Variants in RAP1GAP2 observed in about 807,000 individuals in gnomAD.
The protein encoded by RAP1GAP2 is rap1 GTPase-activating protein 2.
In RAP1GAP2, 27 loss-of-function variants were observed where a neutral mutation model predicts 95.0. The ratio of observed to expected loss-of-function variants is 0.28; its 90% confidence interval spans 0.21 to 0.39. The LOEUF is 0.39. RAP1GAP2 is among the 10% of genes least tolerant of loss of function. RAP1GAP2 has a pLI of 1.00. For synonymous variants in RAP1GAP2, 373 were observed against 380.9 expected (o/e 0.98, Z 0.24); for missense variants, 771 against 970.0 (o/e 0.79, Z 2.72).
chr17:2,762,835 C>T (rs1180029511), intron 1 of RAP1GAP2, among the ~76,000 whole-genome samples: 1 of 152,028 alleles, frequency 6.6e-6, no homozygotes, highest in Admixed American at 6.6e-5. Flanking sequence ...CGCCACCATA[C>T]CTGGCTAATT....
intron 3 of RAP1GAP2, among the ~76,000 whole-genome samples, chr17:2,953,824 G>A (rs1380753276): frequency 2.0e-5 from 3 of 152,174 alleles, no homozygotes; most frequent in Non-Finnish European, 4.4e-5. Context: ...TCCAGCCTGG[G>A]TGAAAAGAGC....
intron 1 of RAP1GAP2, among the ~76,000 whole-genome samples, chr17:2,780,531 C>T (rs1390346103): frequency 1.3e-5 from 2 of 152,194 alleles, no homozygotes; most frequent in African/African-American, 4.8e-5. Flanking sequence ...TCTGCCTACC[C>T]TCTCCCATCT....
chr17:2,820,825 A>C (rs1319895227), intron 2 of RAP1GAP2, among the ~76,000 whole-genome samples: 6 of 150,056 alleles, frequency 4.0e-5, no homozygotes, highest in Non-Finnish European at 8.9e-5. Flanking sequence ...GGGTTCAAGC[A>C]ATTCTCCTGC....
intron 8 of RAP1GAP2, among the ~76,000 whole-genome samples, chr17:2,966,147 C>A (rs1021527426): frequency 1.3e-5 from 2 of 152,180 alleles, no homozygotes; most frequent in African/African-American, 4.8e-5. Context: ...GGGCACCTCT[C>A]TCTGGATTGT....
At chr17:2,769,074 A>G (rs2068333522) in intron 1 of RAP1GAP2, among the ~76,000 whole-genome samples, 1 of 151,762 alleles carries the variant, frequency 6.6e-6, no homozygotes, top group Non-Finnish European at 1.5e-5. Context: ...AAAAAATTTA[A>G]TAAGAAAATT....
chr17:2,785,899 CTTTT>C (rs386385450), intron 1 of RAP1GAP2, among the ~76,000 whole-genome samples: 1 of 119,950 alleles, frequency 8.3e-6, no homozygotes, highest in Admixed American at 9.2e-5. Flanking sequence ...AAAAGTATGA[CTTTT>C]TTTTTTTTTT....
At chr17:2,927,898 C>T (rs1256080829) in intron 3 of RAP1GAP2, among the ~76,000 whole-genome samples, 2 of 152,214 alleles carry the variant, frequency 1.3e-5, no homozygotes, top group East Asian at 1.9e-4. Context: ...ACTGATGATA[C>T]AGTATCAGAT....
intron 3 of RAP1GAP2, among the ~76,000 whole-genome samples, chr17:2,948,714 C>T (rs968879519): frequency 4.1e-5 from 5 of 120,568 alleles, no homozygotes; most frequent in South Asian, 2.8e-4. Context: ...GTCCTGGACT[C>T]GGGTGCAACA....
rs117972960 is a variant in RAP1GAP2 at position 2,959,775 on chromosome 17, C to T, written c.201+1981C>T. On this transcript the variant is annotated intron_variant, in intron 4 of 24. Coordinates refer to ENST00000254695, the MANE Select transcript of RAP1GAP2 (RefSeq NM_015085.5). ...TCTAGCTGAGTATCTTCAGTCAAGT[C>T]GGTTTCCCCTTCTGAGCCTTAATTT... is the stretch of plus-strand genomic sequence containing the variant. Among the ~76,000 whole-genome samples, 468 of 152,250 alleles carry T rather than the reference C, an allele frequency of 3.1e-3. 2 individuals are homozygous for T. The highest frequency in any genetic ancestry group is 0.026 in the East Asian group (135 of 5,176).
intron 8 of RAP1GAP2, among the ~76,000 whole-genome samples, chr17:2,966,181 G>C (rs1035757730): frequency 2.6e-5 from 4 of 152,190 alleles, no homozygotes; most frequent in African/African-American, 9.6e-5. Flanking sequence ...GCAGGAGCTG[G>C]AACTGGTTTC....
intron 2 of RAP1GAP2, among the ~76,000 whole-genome samples, chr17:2,841,009 G>T (rs1366062813): frequency 2.0e-5 from 3 of 148,294 alleles, no homozygotes; most frequent in Non-Finnish European, 3.0e-5. Context: ...AAAATAAAAA[G>T]ACCGGTGTGG....
Position 2,796,666 on chromosome 17 carries a change from CG to C in RAP1GAP2, c.44+98del. 1 of 1,406,216 alleles carries C rather than the reference CG, an allele frequency of 7.1e-7. No homozygotes were observed. Among genetic ancestry groups the C allele is most frequent in the Non-Finnish European group, 9.8e-7 (1 of 1,015,806 alleles). 87.1% of individuals were successfully genotyped at this position (1,406,216 alleles called of 1,614,324 possible). A position where few individuals can be genotyped will look rare whatever the true frequency, so the allele number is the denominator to read the frequency against. On this transcript the variant is annotated intron_variant, in intron 1 of 24. Transcript: ENST00000254695. The surrounding 1 kb of genome is among the most constrained non-coding windows in gnomAD (Gnocchi z 4.7). ...TGGCGGCCGTGGGAACAGAGGGGCTCGGGCTGTGCCTGAGAGCTGGGTCTGC... is the reference window on the plus strand; with the variant it reads ...TGGCGGCCGTGGGAACAGAGGGGCTCGGCTGTGCCTGAGAGCTGGGTCTGC...
chr17:2,997,032 G>T (rs1325477779), intron 13 of RAP1GAP2, among the ~76,000 whole-genome samples: 1 of 152,174 alleles, frequency 6.6e-6, no homozygotes, highest in Admixed American at 6.5e-5. Context: ...CTGGAGTGCA[G>T]TGGTGCGATC....
chr17:2,915,804 T>A (rs1282548565), intron 3 of RAP1GAP2, among the ~76,000 whole-genome samples: 3 of 152,144 alleles, frequency 2.0e-5, no homozygotes, highest in Non-Finnish European at 4.4e-5. Context: ...TTCAAGCGAT[T>A]CTCCTGCCTC....
chr17:2,873,748 A>G (rs1242416423), intron 2 of RAP1GAP2, among the ~76,000 whole-genome samples: 2 of 151,918 alleles, frequency 1.3e-5, no homozygotes, highest in Non-Finnish European at 2.9e-5. Context: ...ACTGAATTGT[A>G]TACTTTATTA....
At chr17:2,915,784 G>C (rs2042548765) in intron 3 of RAP1GAP2, among the ~76,000 whole-genome samples, 1 of 152,008 alleles carries the variant, frequency 6.6e-6, no homozygotes. Flanking sequence ...TGCAACCTCT[G>C]CTTCCTGAGT....
In RAP1GAP2 at chr17:3,005,206, A is replaced by G; in HGVS notation, c.1201-163A>G. On this transcript the variant is annotated intron_variant, in intron 14 of 24. Coordinates refer to ENST00000254695, the MANE Select transcript of RAP1GAP2 (RefSeq NM_015085.5). The surrounding 1 kb of genome is among the most constrained non-coding windows in gnomAD (Gnocchi z 5.2). The stretch of plus-strand genomic sequence containing the variant: ...ACACCGTCCGGCCCCACTTCTAGGA[A>G]CAGGGTCAGGGCCTGTGCTGGCGAT... 1.4e-6 allele frequency: 1 copy of G among 736,324 alleles called. No homozygotes were observed. Among genetic ancestry groups the G allele is most frequent in the Non-Finnish European group, 2.4e-6 (1 of 419,498 alleles). The allele number at this position is 736,324 out of a possible 1,614,324, so 45.6% of individuals were successfully genotyped here. A position where few individuals can be genotyped will look rare whatever the true frequency, so the allele number is the denominator to read the frequency against.
intron 1 of RAP1GAP2, among the ~76,000 whole-genome samples, chr17:2,769,302 T>C (rs1330371650): frequency 1.7e-5 from 2 of 114,990 alleles, no homozygotes; most frequent in South Asian, 3.2e-4. Context: ...ACGCCTGTAA[T>C]CCCAGCACTT....
At chr17:2,945,835 G>T (rs920852434) in intron 3 of RAP1GAP2, among the ~76,000 whole-genome samples, 1 of 151,546 alleles carries the variant, frequency 6.6e-6, no homozygotes, top group East Asian at 1.9e-4. Context: ...TTTCGCCCAG[G>T]CTGGAGTACA....
Sources: allele counts gnomAD v4.1 joint callset (sites outside exome capture counted in the v4.1 genomes callset), GRCh38; gene constraint gnomAD v4.1.1; non-coding constraint Gnocchi (gnomAD v3.1); transcripts MANE v1.5; gene names NCBI Gene and HGNC (gene_info 2026-07-23, HGNC 2026-07-21).